Variants in EPHA7 observed in about 807,000 individuals in gnomAD.
EPHA7 encodes the protein ephrin type-A receptor 7.
In EPHA7, 25 loss-of-function variants were observed where a neutral mutation model predicts 112.6. That is an observed-to-expected ratio of 0.22 (90% CI 0.16 to 0.31). The LOEUF (loss-of-function observed/expected upper bound fraction) is 0.31. Ranked by LOEUF, EPHA7 falls within the 10% of genes least tolerant of loss-of-function variation. The probability of loss-of-function intolerance (pLI) is 1.00; values close to 1 mark genes in which losing one functional copy is unlikely to be tolerated. For synonymous variants in EPHA7, 437 were observed against 406.5 expected (o/e 1.07, Z -0.90); for missense variants, 962 against 1,212.6 (o/e 0.79, Z 3.07).
chr6:93,396,131 T>G (rs1335285492), intron 3 of EPHA7, among the ~76,000 whole-genome samples: 1 of 151,886 alleles, frequency 6.6e-6, no homozygotes, highest in Non-Finnish European at 1.5e-5. Context: ...TTTCCCAATG[T>G]CATTTTAATG....
intron 5 of EPHA7, among the ~76,000 whole-genome samples, chr6:93,313,733 TAA>T (rs1773653499): frequency 6.6e-6 from 1 of 151,512 alleles, no homozygotes. Context: ...TAAGTTTTCT[TAA>T]AAGATATGGA....
At chr6:93,326,717 G>C (rs1226335464) in intron 5 of EPHA7, among the ~76,000 whole-genome samples, 1 of 131,872 alleles carries the variant, frequency 7.6e-6, no homozygotes, top group East Asian at 2.1e-4. Flanking sequence ...TCTATTCTGT[G>C]AACAGAGGAA....
intron 5 of EPHA7, among the ~76,000 whole-genome samples, chr6:93,330,476 T>C (rs1005413353): frequency 1.3e-5 from 2 of 151,352 alleles, no homozygotes; most frequent in African/African-American, 4.8e-5. Context: ...ACCACTATTT[T>C]ACTATCTGCT....
At chr6:93,336,730 T>C (rs951285987) in intron 5 of EPHA7, among the ~76,000 whole-genome samples, 1 of 151,994 alleles carries the variant, frequency 6.6e-6, no homozygotes, top group African/African-American at 2.4e-5. Flanking sequence ...CAGAAGTGAA[T>C]AGTTCATCCC....
chr6:93,297,251 T>G lies in EPHA7; in HGVS notation c.1325-24829A>C, dbSNP rs73530379. Among the ~76,000 whole-genome samples, 239 of 152,152 alleles carry G rather than the reference T, an allele frequency of 1.6e-3. 1 individual carries two copies. The highest frequency in any genetic ancestry group is 5.5e-3 in the African/African-American group (229 of 41,566). ...TTTACAGATAGGATACAGGTTAAAATAATTTAAGTAACTTTCCCAAGATCA... is the reference window on the plus strand; with the variant it reads ...TTTACAGATAGGATACAGGTTAAAAGAATTTAAGTAACTTTCCCAAGATCA... On this transcript the variant is annotated intron_variant, in intron 5 of 16. Transcript: ENST00000369303.
chr6:93,292,521 T>G (rs1220963364), intron 5 of EPHA7, among the ~76,000 whole-genome samples: 2 of 152,102 alleles, frequency 1.3e-5, no homozygotes, highest in East Asian at 3.9e-4. Flanking sequence ...GGGGCGGTAT[T>G]CAGTTAAGTT....
intron 5 of EPHA7, among the ~76,000 whole-genome samples, chr6:93,306,929 A>G (rs536409163): frequency 6.6e-6 from 1 of 152,128 alleles, no homozygotes; most frequent in African/African-American, 2.4e-5. Flanking sequence ...TCTACATTTT[A>G]GTAGCAATTA....
At chr6:93,253,068 C>G (rs981906387) in intron 14 of EPHA7, among the ~76,000 whole-genome samples, 1 of 151,508 alleles carries the variant, frequency 6.6e-6, no homozygotes, top group Non-Finnish European at 1.5e-5. Flanking sequence ...CCTGTCAGTC[C>G]CTTTATGTTT....
chr6:93,291,477 T>G, intron 5 of EPHA7, among the ~76,000 whole-genome samples: 1 of 152,000 alleles, frequency 6.6e-6, no homozygotes, highest in East Asian at 1.9e-4. Context: ...AGATAAAAAA[T>G]ACTTTTCTGG....
At chr6:93,285,086 T>C (rs1010888169) in intron 5 of EPHA7, among the ~76,000 whole-genome samples, 2 of 152,154 alleles carry the variant, frequency 1.3e-5, no homozygotes, top group Admixed American at 1.3e-4. Flanking sequence ...ACTTAAGAAA[T>C]TCATATTGCT....
rs754414393 is a variant in EPHA7 at position 93,257,459 on chromosome 6, T to C, written c.2172+3A>G. On this transcript the variant is annotated splice_donor_region_variant and intron_variant, in intron 12 of 16. Transcript: ENST00000369303. ...AGAATAAGTGGATCACTTTGGTACTTACCCTGAGAAATGCATCTAGGGCTC... is the reference window on the plus strand; with the variant it reads ...AGAATAAGTGGATCACTTTGGTACTCACCCTGAGAAATGCATCTAGGGCTC... The C allele has an allele frequency of 6.2e-7, 1 of 1,605,534 alleles. No individual in the cohort carries two copies. Among genetic ancestry groups the C allele is most frequent in the African/African-American group, 1.3e-5 (1 of 74,698 alleles).
intron 2 of EPHA7, among the ~76,000 whole-genome samples, chr6:93,414,225 C>A (rs552231194): frequency 2.6e-5 from 4 of 151,794 alleles, no homozygotes; most frequent in Admixed American, 6.6e-5. Context: ...AAATTGTATA[C>A]CAAAATGTTG....
chr6:93,348,856 G>A (rs996474708), intron 5 of EPHA7, among the ~76,000 whole-genome samples: 3 of 148,122 alleles, frequency 2.0e-5, no homozygotes, highest in African/African-American at 7.5e-5. Flanking sequence ...TGTTGATGGG[G>A]CTAGAGAGTA....
chr6:93,332,137 A>G (rs1344372086), intron 5 of EPHA7, among the ~76,000 whole-genome samples: 1 of 151,652 alleles, frequency 6.6e-6, no homozygotes, highest in Admixed American at 6.6e-5. Context: ...AATTGGTTTC[A>G]AAGTGTATTT....
chr6:93,352,606 G>C (rs1775748571), intron 5 of EPHA7, among the ~76,000 whole-genome samples: 1 of 152,042 alleles, frequency 6.6e-6, no homozygotes, highest in Non-Finnish European at 1.5e-5. Flanking sequence ...AGATACTTAA[G>C]AAGAGAACCA....
chr6:93,300,412 C>A (rs528522137), intron 5 of EPHA7, among the ~76,000 whole-genome samples: 1 of 152,080 alleles, frequency 6.6e-6, no homozygotes, highest in East Asian at 1.9e-4. Context: ...TAGTAAAGAG[C>A]CATACAGAAC....
In EPHA7 at chr6:93,318,082, G is replaced by A. The variant is rs1444635526; in HGVS notation, c.1324+38635C>T. ...CATTACCCTTCTAAAAAGAAAAAAT[G>A]TACTTATAAGACATACTGTACTCCT... On this transcript the variant is annotated intron_variant, in intron 5 of 16. Coordinates refer to ENST00000369303, the MANE Select transcript of EPHA7 (RefSeq NM_004440.4). Among the ~76,000 whole-genome samples, 5 of 152,212 alleles carry A rather than the reference G, an allele frequency of 3.3e-5. No homozygotes were observed. In the East Asian group the frequency reaches 9.6e-4, roughly 29 times the overall value.
chr6:93,322,140 T>C (rs1165212810), intron 5 of EPHA7, among the ~76,000 whole-genome samples: 1 of 151,774 alleles, frequency 6.6e-6, no homozygotes, highest in Non-Finnish European at 1.5e-5. Flanking sequence ...ACATATTTTA[T>C]AAACACGCAA....
intron 6 of EPHA7, 93 bp from the exon 7 acceptor site, chr6:93,269,753 GT>G: frequency 9.8e-7 from 1 of 1,020,676 alleles, no homozygotes; most frequent in Non-Finnish European, 1.4e-6. Flanking sequence ...TTGCTCCATT[GT>G]TTTTATAGAG....
Sources: gnomAD v4.1 joint callset for allele counts (sites outside exome capture counted in the v4.1 genomes callset) on GRCh38, gnomAD v4.1.1 for gene constraint, MANE v1.5 for transcripts, NCBI Gene and HGNC (gene_info 2026-07-23, HGNC 2026-07-21) for gene names.